Variants in LRP1B observed in about 807,000 individuals in gnomAD.
The protein encoded by LRP1B is LDL receptor related protein 1B.
LRP1B carries 217 observed loss-of-function variants against 556.6 expected under a neutral mutation model. The ratio of observed to expected loss-of-function variants is 0.39; its 90% CI spans 0.35 to 0.44. The LOEUF is 0.44. Ranked by LOEUF, LRP1B falls within the 20% of genes least tolerant of loss-of-function variation. LRP1B has a pLI of 1.00. For missense variants in LRP1B, 5,053 were observed against 5,620.8 expected, an observed-to-expected ratio of 0.90 and a Z score of 3.23; for synonymous variants, 2,047 against 1,865.8, an observed-to-expected ratio of 1.10 and a Z score of -2.50.
At chr2:141,149,094 A>G (rs1247104804) in intron 7 of LRP1B, among the ~76,000 whole-genome samples, 1 of 151,956 alleles carries the variant, frequency 6.6e-6, no homozygotes. Context: ...AAAAAAAGTG[A>G]GGAATTCCTG....
At chr2:140,940,516 C>A (rs1409689735) in intron 20 of LRP1B, among the ~76,000 whole-genome samples, 1 of 152,032 alleles carries the variant, frequency 6.6e-6, no homozygotes, top group Non-Finnish European at 1.5e-5. Context: ...TCTTCATGTC[C>A]TTATAGGTAA....
rs1681218417 is a variant in LRP1B, at chr2:140,568,809, GA to G, written c.7195-26839del. On this transcript the variant is annotated intron_variant, in intron 43 of 90. Coordinates refer to ENST00000389484, the MANE Select transcript of LRP1B (RefSeq NM_018557.3). ...TCTCAGCTAAAACCTTACAGACCAG[GA>G]AATAATGTAAAGGTTTTTACATTAT... Among the ~76,000 whole-genome samples, 3 of 151,856 alleles carry G rather than the reference GA, an allele frequency of 2.0e-5. 1 individual carries two copies. In the South Asian group the frequency reaches 6.2e-4, roughly 31 times the overall value.
intron 3 of LRP1B, among the ~76,000 whole-genome samples, chr2:141,298,292 A>C (rs564527198): frequency 1.3e-5 from 2 of 152,250 alleles, no homozygotes; most frequent in East Asian, 3.9e-4. Flanking sequence ...GGGAGGTACT[A>C]TATGTCATGC....
chr2:142,124,102 T>C (rs1410956446), intron 1 of LRP1B, among the ~76,000 whole-genome samples: 1 of 151,932 alleles, frequency 6.6e-6, no homozygotes, highest in Non-Finnish European at 1.5e-5. Flanking sequence ...TAAACATGTG[T>C]AACAAGGGTT....
chr2:140,564,596 T>A (rs1681058385), intron 43 of LRP1B, among the ~76,000 whole-genome samples: 1 of 152,110 alleles, frequency 6.6e-6, no homozygotes, highest in South Asian at 2.1e-4. Context: ...TGGCATTCAA[T>A]ACTAAGATAT....
intron 52 of LRP1B, among the ~76,000 whole-genome samples, chr2:140,508,951 A>T (rs927035106): frequency 8.5e-5 from 13 of 152,058 alleles, no homozygotes; most frequent in Non-Finnish European, 1.8e-4. Flanking sequence ...ATCAGTTTCA[A>T]GATCAAAGTG....
chr2:141,801,908 G>T lies in LRP1B; in HGVS notation c.205+8371C>A, dbSNP rs144787988. Reference sequence around the variant, plus strand: ...TCAACTTTTAATAGATATATAGTAAGATGTGGAATTTGTCTGGTAGGGCTG... The same window carrying T: ...TCAACTTTTAATAGATATATAGTAATATGTGGAATTTGTCTGGTAGGGCTG... On this transcript the variant is annotated intron_variant, in intron 2 of 90. Transcript: ENST00000389484. Among the ~76,000 whole-genome samples the T allele has an allele frequency of 8.1e-3, 1,229 of 152,162 alleles. 7 individuals carry two copies. The highest frequency in any genetic ancestry group is 0.044 in the Middle Eastern group (13 of 294).
intron 18 of LRP1B, among the ~76,000 whole-genome samples, chr2:140,975,713 T>G (rs1329516340): frequency 1.3e-5 from 2 of 152,178 alleles, no homozygotes; most frequent in Non-Finnish European, 2.9e-5. Context: ...ATGTCAATAT[T>G]CCACTGGATT....
At chr2:142,066,861 A>G (rs1705127709) in intron 1 of LRP1B, among the ~76,000 whole-genome samples, 2 of 151,510 alleles carry the variant, frequency 1.3e-5, no homozygotes, top group African/African-American at 2.4e-5. Flanking sequence ...AAAGTACCAC[A>G]AATCAGTGGT....
rs78017890 is a variant in LRP1B at position 140,511,352 on chromosome 2, A to G, written c.8270-1296T>C. On this transcript the variant is annotated intron_variant, in intron 51 of 90. Transcript: ENST00000389484. ...AGTCTCGCTCTGTCGCCCAGGCTGG[A>G]GTGCGGTGGCGCGGTCTCGGCTCAA... 2.7e-3 allele frequency among the ~76,000 whole-genome samples: 303 copies of G among 114,000 alleles called. 6 individuals carry two copies. In the East Asian group the frequency reaches 0.08, roughly 30 times the overall value. 74.8% of individuals were successfully genotyped at this position (114,000 alleles called of 152,430 possible).
At chr2:140,995,695 A>G (rs1373166188) in intron 15 of LRP1B, among the ~76,000 whole-genome samples, 1 of 152,030 alleles carries the variant, frequency 6.6e-6, no homozygotes, top group African/African-American at 2.4e-5. Context: ...TGTTCTGCAA[A>G]TAGGAGAAAA....
chr2:142,096,589 A>T (rs1383656259), intron 1 of LRP1B, among the ~76,000 whole-genome samples: 1 of 151,608 alleles, frequency 6.6e-6, no homozygotes, highest in Non-Finnish European at 1.5e-5. Context: ...ACAAAATTCA[A>T]TCTAATTATT....
At chr2:141,474,370 C>A (rs1267501034) in intron 3 of LRP1B, among the ~76,000 whole-genome samples, 1 of 151,774 alleles carries the variant, frequency 6.6e-6, no homozygotes, top group Non-Finnish European at 1.5e-5. Context: ...TTAGCTTGGT[C>A]CATTTTGAGA....
At chr2:141,126,684 T>C (rs1007276385) in intron 7 of LRP1B, among the ~76,000 whole-genome samples, 3 of 152,100 alleles carry the variant, frequency 2.0e-5, no homozygotes, top group African/African-American at 7.2e-5. Context: ...TCATATCCAA[T>C]CAGCCACTCT....
intron 78 of LRP1B, 33 bp downstream of exon 78, chr2:140,335,582 T>C (rs75710281): frequency 0.023 from 29,452 of 1,264,938 alleles, 422 homozygotes; most frequent in Non-Finnish European, 0.023. Context: ...ATATTCATTA[T>C]CAAGAAATAG....
intron 2 of LRP1B, among the ~76,000 whole-genome samples, chr2:141,735,518 G>A (rs1301973101): frequency 1.4e-5 from 2 of 142,020 alleles, no homozygotes; most frequent in Non-Finnish European, 3.1e-5. Context: ...TTTTTTGGGA[G>A]GGGGGAGGGA....
chr2:141,097,014 T>G lies in LRP1B; in HGVS notation c.1014-34741A>C, dbSNP rs1259381255. The stretch of plus-strand genomic sequence containing the variant: ...GAGCCGTTCCTTGCTAGTCGCTTTT[T>G]GAGGATAGGCACATTGGTAAAGTAT... On this transcript the variant is annotated intron_variant, in intron 7 of 90. Transcript: ENST00000389484. Among the ~76,000 whole-genome samples, 4 of 152,220 alleles carry G rather than the reference T, an allele frequency of 2.6e-5. No homozygotes were observed. The East Asian group carries it at 7.7e-4, about 29-fold the overall frequency.
intron 2 of LRP1B, among the ~76,000 whole-genome samples, chr2:141,507,149 G>T (rs6429898): frequency 0.72 from 109,287 of 151,968 alleles, 40,881 homozygotes; most frequent in East Asian, 0.91. Flanking sequence ...CAGAAATTTT[G>T]CAGCATCTTG....
chr2:140,957,003 C>A (rs556559158), intron 18 of LRP1B, among the ~76,000 whole-genome samples: 1 of 151,552 alleles, frequency 6.6e-6, no homozygotes, highest in African/African-American at 2.4e-5. Flanking sequence ...TGAAAGAGTG[C>A]TAGGCACTAG....
Sources: gnomAD v4.1 joint callset for allele counts (sites outside exome capture counted in the v4.1 genomes callset) on GRCh38, gnomAD v4.1.1 for gene constraint, MANE v1.5 for transcripts, NCBI Gene and HGNC (gene_info 2026-07-23, HGNC 2026-07-21) for gene names.